TRPM7: variants seen among roughly 807,000 people sequenced by gnomAD.
TRPM7 encodes LTRPC ion channel family member 7.
A neutral mutation model predicts 229.7 loss-of-function variants in TRPM7; 134 were observed. That is an observed-to-expected ratio of 0.58 (90% CI 0.51 to 0.67). The LOEUF is 0.67. Ranked by LOEUF, TRPM7 falls within the 30% of genes least tolerant of loss-of-function variation. TRPM7 has a pLI of 0.00. For missense variants in TRPM7, 1,901 were observed against 2,210.0 expected (o/e 0.86, Z 2.80); for synonymous variants, 699 against 715.2 (o/e 0.98, Z 0.36).
At chr15:50,571,305 G>A (rs2141480390) in intron 36 of TRPM7, among the ~76,000 whole-genome samples, 1 of 152,314 alleles carries the variant, frequency 6.6e-6, no homozygotes, top group East Asian at 1.9e-4. Context: ...TTTTGGGAAA[G>A]TACTCTGGCA....
chr15:50,676,251 A>C (rs1358043802), intron 1 of TRPM7, among the ~76,000 whole-genome samples: 1 of 152,180 alleles, frequency 6.6e-6, no homozygotes, highest in African/African-American at 2.4e-5. Context: ...TTGGGGGAAA[A>C]AATTAAAGAT....
At chr15:50,656,673 G>GA (rs917628355) in intron 3 of TRPM7, among the ~76,000 whole-genome samples, 6 of 151,624 alleles carry the variant, frequency 4.0e-5, no homozygotes, top group Admixed American at 3.9e-4. Flanking sequence ...AGACTTCCTT[G>GA]AAAAACTCTT....
chr15:50,679,484 ATATATT>A, intron 1 of TRPM7, among the ~76,000 whole-genome samples: 1 of 139,166 alleles, frequency 7.2e-6, no homozygotes, highest in African/African-American at 2.7e-5. Flanking sequence ...TTATATATAT[ATATATT>A]ATATATATGT....
At chr15:50,666,480 A>G (rs894205222) in intron 1 of TRPM7, among the ~76,000 whole-genome samples, 1 of 151,868 alleles carries the variant, frequency 6.6e-6, no homozygotes, top group African/African-American at 2.4e-5. Flanking sequence ...AAGAGGAAGA[A>G]GAGGAAGAAG....
intron 20 of TRPM7, among the ~76,000 whole-genome samples, chr15:50,606,119 G>A (rs1412475215): frequency 2.0e-5 from 3 of 152,150 alleles, no homozygotes; most frequent in African/African-American, 4.8e-5. Context: ...GGTGGCTCAC[G>A]CCTACAATCC....
chr15:50,653,875 G>T (rs1437301996), intron 3 of TRPM7, among the ~76,000 whole-genome samples: 1 of 152,082 alleles, frequency 6.6e-6, no homozygotes, highest in East Asian at 1.9e-4. Context: ...TCTGTGAACG[G>T]GGTCCTAAAG....
At chr15:50,607,388 T>C in intron 19 of TRPM7, 60 bp from the exon 20 acceptor site, 1 of 1,383,648 alleles carries the variant, frequency 7.2e-7, no homozygotes, top group South Asian at 1.5e-5. Context: ...CTTTTAATTA[T>C]GAACATTTTC....
chr15:50,611,083 TA>T lies in TRPM7; in HGVS notation c.2280+9del. On this transcript the variant is annotated intron_variant, in intron 17 of 38. Coordinates refer to ENST00000646667, the MANE Select transcript of TRPM7 (RefSeq NM_017672.6). ...CACATGCTTTATATCAAATTATTTCTAAAGTATACCTTGTACCAGGAATTTT... is the reference window on the plus strand; with the variant it reads ...CACATGCTTTATATCAAATTATTTCTAAGTATACCTTGTACCAGGAATTTT... 6.3e-7 allele frequency: 1 copy of T among 1,586,990 alleles called. No individual in the cohort carries two copies. Among genetic ancestry groups the T allele is most frequent in the Non-Finnish European group, 8.6e-7 (1 of 1,157,048 alleles).
In TRPM7 at chr15:50,609,732, TAAAA is replaced by T. The variant is rs35281039; in HGVS notation, c.2437-12_2437-9del. On this transcript the variant is annotated splice_polypyrimidine_tract_variant and intron_variant, in intron 18 of 38. Transcript: ENST00000646667. ...TACTTCTTTAAACACTTCCTAAAAT[TAAAA>T]AAAAAAAAATTCTTTTGTACAATTA... 7.2e-7 allele frequency: 1 copy of T among 1,380,968 alleles called. No homozygotes were observed. Among genetic ancestry groups the T allele is most frequent in the Non-Finnish European group, 9.9e-7 (1 of 1,014,608 alleles). The allele number at this position is 1,380,968 out of a possible 1,614,324, so 85.5% of individuals were successfully genotyped here.
chr15:50,683,412 G>A (rs576604786), intron 1 of TRPM7, among the ~76,000 whole-genome samples: 4 of 151,510 alleles, frequency 2.6e-5, no homozygotes, highest in East Asian at 1.9e-4. Flanking sequence ...CAGACAACAC[G>A]AATCCACTGG....
At chr15:50,685,005 A>G (rs2062325887) in intron 1 of TRPM7, among the ~76,000 whole-genome samples, 2 of 152,292 alleles carry the variant, frequency 1.3e-5, no homozygotes, top group African/African-American at 4.8e-5. Flanking sequence ...CTTTTTAGAC[A>G]TAAACACAAT....
At chr15:50,590,282 A>T (rs78060554) in intron 26 of TRPM7, among the ~76,000 whole-genome samples, 1 of 149,276 alleles carries the variant, frequency 6.7e-6, no homozygotes, top group African/African-American at 2.5e-5. Flanking sequence ...TACTATTAAT[A>T]AAAAAAAAAG....
chr15:50,605,041 C>G lies in TRPM7; in HGVS notation c.2813G>C (p.Gly938Ala). The G allele has an allele frequency of 6.2e-7, 1 of 1,613,794 alleles. No homozygotes were observed. The highest frequency in any genetic ancestry group is 8.5e-7 in the Non-Finnish European group (1 of 1,179,886). ...TTTTGCTCCAAATCTTAGTCCAAAT[C>G]CAATGAAGAAAGAAATTATGGCAAT... is the stretch of plus-strand genomic sequence containing the variant. ...DTIAIISFFIGFGLRFGAKWN... is the reference protein window; with the variant it reads ...DTIAIISFFIAFGLRFGAKWN... The change falls in exon 21 of 39, where the codon GGA (glycine) becomes GCA (alanine). Residue 938 changes from glycine to alanine, a missense_variant. Gly to Ala is a moderately conservative substitution (Grantham distance 60). Coordinates refer to ENST00000646667, the MANE Select transcript of TRPM7 (RefSeq NM_017672.6).
intron 1 of TRPM7, among the ~76,000 whole-genome samples, chr15:50,665,564 A>G (rs1348871835): frequency 6.6e-6 from 1 of 152,210 alleles, no homozygotes; most frequent in South Asian, 2.1e-4. Context: ...TGAGGATCCA[A>G]TAAAAATTCA....
intron 27 of TRPM7, among the ~76,000 whole-genome samples, chr15:50,588,606 C>A (rs886751531): frequency 2.0e-5 from 3 of 152,112 alleles, no homozygotes; most frequent in Non-Finnish European, 4.4e-5. Flanking sequence ...TTGGTTCTAG[C>A]TTTAGGAAAG....
chr15:50,651,622 T>TAGC (rs2061421747), intron 3 of TRPM7, among the ~76,000 whole-genome samples: 1 of 152,072 alleles, frequency 6.6e-6, no homozygotes, highest in African/African-American at 2.4e-5. Flanking sequence ...ATAGTAAGAC[T>TAGC]CTGTCTCTAA....
chr15:50,578,714 T>C lies in TRPM7; in HGVS notation c.4593-50A>G, dbSNP rs756591918. On this transcript the variant is annotated intron_variant, in intron 30 of 38. Transcript: ENST00000646667. ...TATAAGCTGTGCTATGATTTAAGTT[T>C]TGGCTATCATTTAATTTTTTGATTT... is the stretch of plus-strand genomic sequence containing the variant. 2.7e-5 allele frequency: 38 copies of C among 1,388,640 alleles called. No individual in the cohort carries two copies. The South Asian group carries it at 4.5e-4, about 17-fold the overall frequency. 86.0% of individuals were successfully genotyped at this position (1,388,640 alleles called of 1,614,324 possible).
At position 50,679,527 on chromosome 15, in the gene TRPM7, TATATATATA is replaced by T. The variant is rs1395771237; in HGVS notation, c.3+6995_3+7003del. 1.4e-4 allele frequency among the ~76,000 whole-genome samples: 7 copies of T among 49,972 alleles called. 1 individual carries two copies. Among genetic ancestry groups the T allele is most frequent in the Admixed American group, 5.3e-4 (3 of 5,668 alleles). The allele number at this position is 49,972 out of a possible 152,430, so 32.8% of individuals were successfully genotyped here. ...TATATATATAATATATATATATATA[TATATATATA>T]TATTTTTTTTTTTTTTTGAGACAGA... On this transcript the variant is annotated intron_variant, in intron 1 of 38. Coordinates refer to ENST00000646667, the MANE Select transcript of TRPM7 (RefSeq NM_017672.6).
chr15:50,644,751 T>C (rs1285665199), intron 4 of TRPM7, among the ~76,000 whole-genome samples: 3 of 141,058 alleles, frequency 2.1e-5, no homozygotes, highest in Non-Finnish European at 4.5e-5. Context: ...GAGCTGAGAC[T>C]GTGCCATTGC....
Sources: gnomAD v4.1 joint callset for allele counts (sites outside exome capture counted in the v4.1 genomes callset) on GRCh38, gnomAD v4.1.1 for gene constraint, MANE v1.5 for transcripts, NCBI Gene and HGNC (gene_info 2026-07-23, HGNC 2026-07-21) for gene names.